PNPLA8: variants seen among roughly 807,000 people sequenced by gnomAD.
The protein encoded by PNPLA8 is patatin like domain 8, phospholipase A2, also known as calcium-independent phospholipase A2-gamma.
Under a neutral mutation model 76.9 loss-of-function variants are expected in PNPLA8, and 39 were observed. The ratio of observed to expected loss-of-function variants is 0.51; its 90% confidence interval spans 0.39 to 0.66. The LOEUF is 0.66. Ranked by LOEUF, PNPLA8 falls within the 30% of genes least tolerant of loss-of-function variation. The probability of loss-of-function intolerance (pLI) is 0.00; values close to 1 mark genes in which losing one functional copy is unlikely to be tolerated. For synonymous variants in PNPLA8, 301 were observed against 307.9 expected, an observed-to-expected ratio of 0.98 and a Z score of 0.24; for missense variants, 887 against 918.0, an observed-to-expected ratio of 0.97 and a Z score of 0.44.
chr7:108,473,290 T>C (rs1312892094), intron 10 of PNPLA8, among the ~76,000 whole-genome samples: 2 of 152,340 alleles, frequency 1.3e-5, no homozygotes, highest in East Asian at 3.9e-4. Flanking sequence ...GGTGTTCCAT[T>C]GTATAGATAC....
chr7:108,482,429 G>A (rs1253112524), intron 9 of PNPLA8, among the ~76,000 whole-genome samples: 1 of 152,128 alleles, frequency 6.6e-6, no homozygotes, highest in Non-Finnish European at 1.5e-5. Flanking sequence ...CTGAGATTGT[G>A]CCACTGCACT....
At chr7:108,522,861 T>C (rs1181982871) in intron 1 of PNPLA8, among the ~76,000 whole-genome samples, 1 of 152,188 alleles carries the variant, frequency 6.6e-6, no homozygotes, top group African/African-American at 2.4e-5. Flanking sequence ...AATTTCATAA[T>C]CATGAGAGAT....
rs764191638 is a variant in PNPLA8 at position 108,514,340 on chromosome 7, TA to T, written c.1057-48del. 2.6e-6 allele frequency: 4 copies of T among 1,548,874 alleles called. No individual in the cohort carries two copies. The South Asian group carries it at 4.7e-5, about 18-fold the overall frequency. Reference sequence around the variant, plus strand: ...ATATGATTAGAATACAAAACTGCTCTAAAGAACAATGAAAGTTTCTTAGTTC... The same window carrying T: ...ATATGATTAGAATACAAAACTGCTCTAAGAACAATGAAAGTTTCTTAGTTC... On this transcript the variant is annotated intron_variant, in intron 3 of 10. Coordinates refer to ENST00000257694, the MANE Select transcript of PNPLA8 (RefSeq NM_001256007.3).
At chr7:108,493,460 A>G (rs970936760) in intron 7 of PNPLA8, among the ~76,000 whole-genome samples, 1 of 150,796 alleles carries the variant, frequency 6.6e-6, no homozygotes, top group Non-Finnish European at 1.5e-5. Flanking sequence ...CCCAGACTGG[A>G]GTGCAGTGGT....
Position 108,502,503 on chromosome 7 carries a change from C to T in PNPLA8, c.1346G>A (p.Gly449Asp), listed in dbSNP as rs747479185. The T allele has an allele frequency of 1.3e-6, 2 of 1,592,418 alleles. No individual in the cohort carries two copies. Among genetic ancestry groups the T allele is most frequent in the Non-Finnish European group, 1.7e-6 (2 of 1,163,754 alleles). Residue 449 changes from glycine (G) to aspartate (D), a missense_variant, in exon 5 of 11, where the codon GGT (glycine) becomes GAT (aspartate). Transcript: ENST00000257694. ...TTCCTAGCCTTACCTTGTTCCTCCA[C>T]CATCAATTGAGAGAATTCGGATTCC... ...GRGIRILSID[G>D]GGTRGVVALQ...
rs1363779296 is a variant in PNPLA8, at chr7:108,516,069, C to T, written c.-83-495G>A. On this transcript the variant is annotated intron_variant, in intron 2 of 10. Transcript: ENST00000257694. Reference sequence around the variant, plus strand: ...CAGTTACAGGATATGAAAGAATTTCCAGACTAGAGCTGCTGATAGCCATGT... The same window carrying T: ...CAGTTACAGGATATGAAAGAATTTCTAGACTAGAGCTGCTGATAGCCATGT... Among the ~76,000 whole-genome samples, 6 of 152,282 alleles carry T rather than the reference C, an allele frequency of 3.9e-5. No individual in the cohort carries two copies. The East Asian group carries it at 9.6e-4, about 24-fold the overall frequency.
intron 9 of PNPLA8, among the ~76,000 whole-genome samples, chr7:108,483,792 A>G (rs1860562439): frequency 6.6e-6 from 1 of 152,200 alleles, no homozygotes; most frequent in Admixed American, 6.5e-5. Flanking sequence ...TAATTAAGCT[A>G]TTTCCTAAAG....
chr7:108,510,854 T>C, intron 4 of PNPLA8: 3 of 1,597,412 alleles, frequency 1.9e-6, no homozygotes, highest in South Asian at 1.1e-5. Flanking sequence ...TAACTTCCTG[T>C]GGCCCTTCAA....
At chr7:108,497,707 A>T (rs1053445596) in intron 5 of PNPLA8, 130 bp from the exon 6 acceptor site, 7 of 453,960 alleles carry the variant, frequency 1.5e-5, no homozygotes, top group African/African-American at 1.4e-4. Flanking sequence ...AATATAAATC[A>T]AAATCAGTAA....
At chr7:108,519,490 G>A (rs1022607165) in intron 2 of PNPLA8, among the ~76,000 whole-genome samples, 7 of 152,302 alleles carry the variant, frequency 4.6e-5, no homozygotes, top group African/African-American at 1.7e-4. Flanking sequence ...GATTGAGAGA[G>A]AGGTAGATGA....
intron 1 of PNPLA8, among the ~76,000 whole-genome samples, chr7:108,524,864 T>A (rs1231940374): frequency 6.6e-6 from 1 of 152,172 alleles, no homozygotes; most frequent in Non-Finnish European, 1.5e-5. Flanking sequence ...AACTCTGACC[T>A]TTTTACAAAT....
At chr7:108,480,706 C>T in intron 9 of PNPLA8, 1 of 420,534 alleles carries the variant, frequency 2.4e-6, no homozygotes, top group South Asian at 1.7e-5. Flanking sequence ...TGCATACAAC[C>T]TTGTAAAGCA....
intron 4 of PNPLA8, among the ~76,000 whole-genome samples, chr7:108,506,996 G>A (rs1862480802): frequency 1.3e-5 from 2 of 152,046 alleles, no homozygotes; most frequent in South Asian, 4.2e-4. Flanking sequence ...ATGAATCCTT[G>A]TGACAAATTC....
intron 8 of PNPLA8, among the ~76,000 whole-genome samples, chr7:108,490,462 G>A (rs1378931024): frequency 6.6e-6 from 1 of 152,194 alleles, no homozygotes; most frequent in Non-Finnish European, 1.5e-5. Flanking sequence ...TTGTATCTAA[G>A]AGGCATATAA....
intron 5 of PNPLA8, among the ~76,000 whole-genome samples, chr7:108,498,068 C>G (rs2154515689): frequency 7.0e-6 from 1 of 142,778 alleles, no homozygotes; most frequent in Middle Eastern, 3.8e-3. Context: ...ATGCCAAAAA[C>G]CAACAAACAA....
intron 5 of PNPLA8, among the ~76,000 whole-genome samples, chr7:108,502,168 C>A (rs550849097): frequency 6.6e-6 from 1 of 151,282 alleles, no homozygotes; most frequent in Non-Finnish European, 1.5e-5. Context: ...TCCAGCTGGG[C>A]GCAGTGGCTC....
chr7:108,480,950 G>A (rs1367335168), intron 9 of PNPLA8, among the ~76,000 whole-genome samples: 1 of 150,998 alleles, frequency 6.6e-6, no homozygotes, highest in Non-Finnish European at 1.5e-5. Flanking sequence ...CACTACTAAG[G>A]AGGTCATAGA....
chr7:108,527,353 G>A (rs909399046), upstream of PNPLA8, among the ~76,000 whole-genome samples: 1 of 152,140 alleles, frequency 6.6e-6, no homozygotes, highest in Non-Finnish European at 1.5e-5. Flanking sequence ...ACATCATAAT[G>A]CCTGGTAAAC....
chr7:108,498,136 A>G (rs1359404346), intron 5 of PNPLA8, among the ~76,000 whole-genome samples: 2 of 151,176 alleles, frequency 1.3e-5, no homozygotes, highest in Non-Finnish European at 3.0e-5. Context: ...CAAAAAACAA[A>G]AAAAAAAACA....
Sources: allele counts gnomAD v4.1 joint callset (sites outside exome capture counted in the v4.1 genomes callset), GRCh38; gene constraint gnomAD v4.1.1; transcripts MANE v1.5; gene names NCBI Gene and HGNC (gene_info 2026-07-23, HGNC 2026-07-21).